Variants in TMEM161B observed in about 807,000 individuals in gnomAD.
TMEM161B encodes transmembrane protein 161B.
Under a neutral mutation model 61.8 loss-of-function variants are expected in TMEM161B, and 34 were observed. The observed-to-expected ratio is 0.55, with a 90% CI of 0.42 to 0.73. TMEM161B has a LOEUF of 0.73. TMEM161B is among the 30% of genes least tolerant of loss of function. TMEM161B has a pLI of 0.00. For synonymous variants in TMEM161B, 167 were observed against 192.8 expected, an observed-to-expected ratio of 0.87 and a Z score of 1.11; for missense variants, 456 against 558.5, an observed-to-expected ratio of 0.82 and a Z score of 1.85.
intron 1 of TMEM161B, chr5:88,250,711 T>G (rs977382050): frequency 2.0e-5 from 3 of 152,188 alleles, no homozygotes; most frequent in African/African-American, 7.2e-5. Flanking sequence ...GCCCAAGCAC[T>G]ATGGGTTGAC....
chr5:88,228,815 CTTA>C (rs1343139749), intron 2 of TMEM161B, among the ~76,000 whole-genome samples: 2 of 151,988 alleles, frequency 1.3e-5, no homozygotes, highest in Non-Finnish European at 2.9e-5. Flanking sequence ...ATTATACAGG[CTTA>C]TTATTAAAAG....
chr5:88,243,221 T>A (rs1345882201), intron 1 of TMEM161B, among the ~76,000 whole-genome samples: 3 of 151,772 alleles, frequency 2.0e-5, no homozygotes, highest in African/African-American at 7.2e-5. Context: ...AGGTAGTTTT[T>A]CAGTCATCAC....
At chr5:88,238,307 G>A (rs1752189133) in intron 2 of TMEM161B, among the ~76,000 whole-genome samples, 1 of 150,958 alleles carries the variant, frequency 6.6e-6, no homozygotes, top group Admixed American at 6.6e-5. Flanking sequence ...ATGAGAGACA[G>A]GACAGATTAA....
chr5:88,238,497 T>C (rs1050830373), intron 2 of TMEM161B, among the ~76,000 whole-genome samples: 3 of 152,070 alleles, frequency 2.0e-5, no homozygotes, highest in Admixed American at 1.3e-4. Flanking sequence ...TTTTAAATAG[T>C]TCTATTCAAT....
At chr5:88,191,186 A>C (rs1748802861), downstream of TMEM161B, among the ~76,000 whole-genome samples, 1 of 152,220 alleles carries the variant, frequency 6.6e-6, no homozygotes, top group African/African-American at 2.4e-5. Flanking sequence ...AAAGCCATGG[A>C]ATCCTACATT....
intron 8 of TMEM161B, among the ~76,000 whole-genome samples, chr5:88,203,694 C>T (rs1485793589): frequency 1.4e-5 from 2 of 141,218 alleles, no homozygotes; most frequent in African/African-American, 5.5e-5. Context: ...TTAAGTGATT[C>T]CACATTTTAA....
intron 4 of TMEM161B, among the ~76,000 whole-genome samples, chr5:88,222,703 C>A (rs571631878): frequency 6.6e-6 from 1 of 152,202 alleles, no homozygotes; most frequent in Non-Finnish European, 1.5e-5. Context: ...TTAAGAGGTT[C>A]TTATAATAGA....
chr5:88,223,867 T>C (rs760076480), intron 4 of TMEM161B, among the ~76,000 whole-genome samples: 6 of 151,366 alleles, frequency 4.0e-5, no homozygotes, highest in African/African-American at 7.3e-5. Flanking sequence ...CCAGCCTGGG[T>C]GACAGAGCGA....
At chr5:88,233,123 T>C (rs1283836821) in intron 2 of TMEM161B, among the ~76,000 whole-genome samples, 2 of 152,216 alleles carry the variant, frequency 1.3e-5, no homozygotes, top group African/African-American at 4.8e-5. Context: ...TGTATTCAGA[T>C]ACTCTGCTAG....
intron 1 of TMEM161B, among the ~76,000 whole-genome samples, chr5:88,245,360 C>T (rs1402372369): frequency 6.6e-6 from 1 of 151,808 alleles, no homozygotes; most frequent in Non-Finnish European, 1.5e-5. Flanking sequence ...AATGCCATTA[C>T]AAAGAACTCT....
At position 88,238,343 on chromosome 5, in the gene TMEM161B, A is replaced by C. The variant is rs536651317; in HGVS notation, c.107+2470T>G. Among the ~76,000 whole-genome samples the C allele has an allele frequency of 6.1e-5, 9 of 147,378 alleles. No homozygotes were observed. The South Asian group carries it at 8.5e-4, about 14-fold the overall frequency. On this transcript the variant is annotated intron_variant, in intron 2 of 11. Coordinates refer to ENST00000296595, the MANE Select transcript of TMEM161B (RefSeq NM_153354.5). ...TTGACACCAAAAGAGAAGCCATAAC[A>C]AAAAAAAAAGAACATTTATTTACAA...
At chr5:88,255,039 T>C (rs530526919) in intron 1 of TMEM161B, among the ~76,000 whole-genome samples, 2 of 152,068 alleles carry the variant, frequency 1.3e-5, no homozygotes, top group East Asian at 3.9e-4. Context: ...AGGAAAAAAA[T>C]GTCATGTCAT....
chr5:88,185,923 A>T (rs964281232), downstream of TMEM161B, among the ~76,000 whole-genome samples: 1 of 152,248 alleles, frequency 6.6e-6, no homozygotes, highest in Non-Finnish European at 1.5e-5. Context: ...ATAATCATAA[A>T]CATGGCATTT....
chr5:88,236,441 G>A (rs193707), intron 2 of TMEM161B, among the ~76,000 whole-genome samples: 42,988 of 151,928 alleles, frequency 0.28, 7,308 homozygotes, highest in African/African-American at 0.47. Flanking sequence ...AGAAAAGAGG[G>A]GCCAAGCAAA....
Position 88,207,127 on chromosome 5 carries a change from T to C in TMEM161B, c.500A>G (p.Glu167Gly), listed in dbSNP as rs1459021921. The change falls in exon 6 of 12, where the codon GAA becomes GGA. Residue 167 changes from glutamate (E) to glycine (G), a missense_variant. Physicochemically the swap from Glu to Gly is moderately conservative, Grantham distance 98 (BLOSUM62 -2). Transcript: ENST00000296595. ...TCCAAAGGTGACACAAACAGATCTT[T>C]CACCACCATCTTCTACTTTAAAATA... ...THYFKVEDGG[E>G]RSVCVTFGFF... 1 of 1,613,168 alleles carries C rather than the reference T, an allele frequency of 6.2e-7. No homozygotes were observed. Among genetic ancestry groups the C allele is most frequent in the East Asian group, 2.2e-5 (1 of 44,714 alleles).
At chr5:88,232,055 G>C (rs1220167725) in intron 2 of TMEM161B, among the ~76,000 whole-genome samples, 1 of 151,802 alleles carries the variant, frequency 6.6e-6, no homozygotes, top group African/African-American at 2.4e-5. Context: ...CAGCCTTCTT[G>C]TGCTTACGAA....
intron 5 of TMEM161B, among the ~76,000 whole-genome samples, chr5:88,219,229 C>T (rs1748476767): frequency 6.6e-6 from 1 of 152,180 alleles, no homozygotes; most frequent in African/African-American, 2.4e-5. Context: ...AACATGACAT[C>T]ACTATATGTG....
chr5:88,211,768 CAAAA>C (rs61376905), intron 5 of TMEM161B, among the ~76,000 whole-genome samples: 7 of 116,560 alleles, frequency 6.0e-5, no homozygotes, highest in Non-Finnish European at 3.6e-5. Flanking sequence ...GAACTCCATC[CAAAA>C]AAAAAAAAAA....
chr5:88,220,763 A>C (rs775409442), intron 4 of TMEM161B, 44 bp from the exon 5 acceptor site: 14 of 1,504,900 alleles, frequency 9.3e-6, no homozygotes, highest in South Asian at 5.3e-5. Context: ...GTCAAAAAAA[A>C]CAGTTTCACT....
Sources: gnomAD v4.1 joint callset for allele counts (sites outside exome capture counted in the v4.1 genomes callset) on GRCh38, gnomAD v4.1.1 for gene constraint, MANE v1.5 for transcripts, NCBI Gene and HGNC (gene_info 2026-07-23, HGNC 2026-07-21) for gene names.